TUNAR: variants seen among roughly 807,000 people sequenced by gnomAD.
TUNAR encodes transmembrane neural differentiation associated intracellular calcium regulator.
intron 2 of TUNAR, among the ~76,000 whole-genome samples, chr14:95,889,415 G>A (rs1889132079): frequency 6.6e-6 from 1 of 152,018 alleles, no homozygotes; most frequent in African/African-American, 2.4e-5. Flanking sequence ...TGCATGTGAA[G>A]GAGAAGTTGG....
intron 2 of TUNAR, among the ~76,000 whole-genome samples, chr14:95,888,213 G>C (rs1889109057): frequency 6.6e-6 from 1 of 152,176 alleles, no homozygotes; most frequent in Non-Finnish European, 1.5e-5. Flanking sequence ...GGTAATCCCA[G>C]CTTTGATTAA....
In TUNAR at chr14:95,906,366, C is replaced by G. The variant is rs142071316; in HGVS notation, c.13-16415C>G. Among the ~76,000 whole-genome samples the G allele has an allele frequency of 1.3e-4, 20 of 152,348 alleles. No individual in the cohort carries two copies. In the East Asian group the frequency reaches 3.9e-3, roughly 29 times the overall value. Reference sequence around the variant, plus strand: ...AAACCACGTGTTTATACTGGTATCTCTAATTCTAGTCCAACATCACAAGGC... The same window carrying G: ...AAACCACGTGTTTATACTGGTATCTGTAATTCTAGTCCAACATCACAAGGC... On this transcript the variant is annotated intron_variant, in intron 2 of 2. Coordinates refer to ENST00000678517, the Ensembl canonical transcript of TUNAR.
rs527659168 is a variant in TUNAR at position 95,885,045 on chromosome 14, G to A, written c.12+7868G>A. On this transcript the variant is annotated intron_variant, in intron 2 of 2. Coordinates refer to ENST00000678517, the Ensembl canonical transcript of TUNAR. ...TTAACCTCCAAGGCGAGCTGAGTGC[G>A]TAACTGGAAGATCTGTGGGGTCTCT... Among the ~76,000 whole-genome samples the A allele has an allele frequency of 1.1e-3, 162 of 152,306 alleles. 5 individuals are homozygous for A. In the South Asian group the frequency reaches 0.028, roughly 27 times the overall value.
chr14:95,914,081 G>T (rs1352714451), intron 2 of TUNAR, among the ~76,000 whole-genome samples: 1 of 152,234 alleles, frequency 6.6e-6, no homozygotes, highest in African/African-American at 2.4e-5. Flanking sequence ...AGAGGAGAAG[G>T]CAAACAGTAA....
intron 2 of TUNAR, among the ~76,000 whole-genome samples, chr14:95,906,374 A>C (rs1488272547): frequency 1.3e-5 from 2 of 152,234 alleles, no homozygotes; most frequent in Non-Finnish European, 2.9e-5. Context: ...CTCTAATTCT[A>C]GTCCAACATC....
At chr14:95,901,677 A>G (rs1889356219) in intron 2 of TUNAR, among the ~76,000 whole-genome samples, 1 of 152,230 alleles carries the variant, frequency 6.6e-6, no homozygotes, top group Non-Finnish European at 1.5e-5. Flanking sequence ...GCCATATGGC[A>G]TTGTTCTTGG....
intron 2 of TUNAR, among the ~76,000 whole-genome samples, chr14:95,903,464 G>A (rs1212803017): frequency 6.6e-6 from 1 of 152,080 alleles, no homozygotes; most frequent in Non-Finnish European, 1.5e-5. Flanking sequence ...GATCACCAGC[G>A]ACAAACATTC....
At chr14:95,883,545 T>C (rs1465123022) in intron 2 of TUNAR, among the ~76,000 whole-genome samples, 1 of 152,264 alleles carries the variant, frequency 6.6e-6, no homozygotes, top group East Asian at 1.9e-4. Flanking sequence ...TGTCATAGGC[T>C]GCTACTGTTT....
At chr14:95,882,794 T>C (rs1483853104) in intron 2 of TUNAR, among the ~76,000 whole-genome samples, 1 of 152,242 alleles carries the variant, frequency 6.6e-6, no homozygotes, top group African/African-American at 2.4e-5. Flanking sequence ...TATCTGCTAA[T>C]ATGGTCTGGG....
rs1487821810 is a variant in TUNAR at position 95,895,079 on chromosome 14, A to G, written c.12+17902A>G. ...CAGCCAGCATCTCCAGAGAATAGTG[A>G]CAGATGTTGTCTGCCAGGTAAGTGC... On this transcript the variant is annotated intron_variant, in intron 2 of 2. Transcript: ENST00000678517. The surrounding 1 kb of genome is among the most constrained non-coding windows in gnomAD (Gnocchi z 4.5). Among the ~76,000 whole-genome samples the G allele has an allele frequency of 2.6e-5, 4 of 152,216 alleles. No individual in the cohort carries two copies. Among genetic ancestry groups the G allele is most frequent in the Non-Finnish European group, 5.9e-5 (4 of 68,044 alleles).
intron 2 of TUNAR, among the ~76,000 whole-genome samples, chr14:95,904,431 G>A (rs1889400271): frequency 6.6e-6 from 1 of 152,182 alleles, no homozygotes; most frequent in Admixed American, 6.5e-5. Context: ...CAGGAAGGCA[G>A]GCAGGCTGAC....
rs541699736 is a variant in TUNAR, at chr14:95,907,436, C to T, written c.13-15345C>T. Among the ~76,000 whole-genome samples the T allele has an allele frequency of 2.6e-5, 4 of 152,276 alleles. No individual in the cohort carries two copies. The East Asian group carries it at 5.8e-4, about 22-fold the overall frequency. ...ATAGTTATTTCTTGTTGGAAGTCAA[C>T]GGTAAGCATAAGGGGCAAGGTGGGG... On this transcript the variant is annotated intron_variant, in intron 2 of 2. Coordinates refer to ENST00000678517, the Ensembl canonical transcript of TUNAR.
At chr14:95,915,566 C>G (rs1889590282) in intron 2 of TUNAR, among the ~76,000 whole-genome samples, 1 of 152,124 alleles carries the variant, frequency 6.6e-6, no homozygotes, top group Non-Finnish European at 1.5e-5. Flanking sequence ...AAATCGAGAC[C>G]AAAGAAAGAC....
chr14:95,897,877 A>G (rs1424825049), intron 2 of TUNAR, among the ~76,000 whole-genome samples: 1 of 151,860 alleles, frequency 6.6e-6, no homozygotes, highest in Non-Finnish European at 1.5e-5. Context: ...CTTGCTTTCT[A>G]TGCCTTTTTC....
intron 2 of TUNAR, among the ~76,000 whole-genome samples, chr14:95,907,690 G>T (rs140984126): frequency 6.6e-6 from 1 of 152,156 alleles, no homozygotes; most frequent in Non-Finnish European, 1.5e-5. Flanking sequence ...CCCATTGAGC[G>T]TACAGCTCTC....
At chr14:95,891,098 G>T (rs1031290942) in intron 2 of TUNAR, among the ~76,000 whole-genome samples, 4 of 152,234 alleles carry the variant, frequency 2.6e-5, no homozygotes, top group African/African-American at 9.6e-5. Context: ...CGTGGAGGTC[G>T]AACTAACATT....
At chr14:95,917,940 C>T (rs996846970) in intron 2 of TUNAR, among the ~76,000 whole-genome samples, 1 of 152,094 alleles carries the variant, frequency 6.6e-6, no homozygotes, top group Non-Finnish European at 1.5e-5. Context: ...AAAGAAATGC[C>T]TTTACTGTTA....
chr14:95,907,983 A>G (rs1449162483), intron 2 of TUNAR, among the ~76,000 whole-genome samples: 2 of 152,150 alleles, frequency 1.3e-5, no homozygotes, highest in African/African-American at 4.8e-5. Flanking sequence ...CAGTTGGTCC[A>G]TGGGCAGCCA....
chr14:95,923,206 T>C, exon 3 of TUNAR: 1 of 350,914 alleles, frequency 2.8e-6, no homozygotes, highest in Non-Finnish European at 5.1e-6. Context: ...ACTCAACGTC[T>C]TTGGCAGGGG....
Sources: allele counts gnomAD v4.1 joint callset (sites outside exome capture counted in the v4.1 genomes callset), GRCh38; gene constraint gnomAD v4.1.1; non-coding constraint Gnocchi (gnomAD v3.1); transcripts MANE v1.5; gene names NCBI Gene and HGNC (gene_info 2026-07-23, HGNC 2026-07-21).